The following LRBA variants were observed in gnomAD, a reference collection of about 807,000 sequenced individuals.
LRBA encodes LPS responsive beige-like anchor protein, also known as lipopolysaccharide-responsive and beige-like anchor protein.
LRBA carries 176 observed loss-of-function variants against 330.0 expected under a neutral mutation model. The ratio of observed to expected loss-of-function variants is 0.53; its 90% CI spans 0.47 to 0.60. The LOEUF (loss-of-function observed/expected upper bound fraction) is 0.60, where lower values mean the gene tolerates loss of function less well. Among genes scored for constraint, LRBA ranks in the 20% least tolerant of loss-of-function variants. The pLI is 0.00. For synonymous variants in LRBA, 1,230 were observed against 1,193.0 expected (o/e 1.03, Z -0.64); for missense variants, 3,259 against 3,444.8 (o/e 0.95, Z 1.35).
At chr4:150,953,456 A>G (rs535866818) in intron 2 of LRBA, among the ~76,000 whole-genome samples, 1 of 141,244 alleles carries the variant, frequency 7.1e-6, no homozygotes, top group African/African-American at 2.7e-5. Context: ...GCTCACTGCA[A>G]CCTCCCTGCC....
At position 150,618,370 on chromosome 4, in the gene LRBA, T is replaced by C. The variant is rs184956115; in HGVS notation, c.5922-19239A>G. On this transcript the variant is annotated intron_variant, in intron 37 of 56. Coordinates refer to ENST00000651943, the MANE Select transcript of LRBA (RefSeq NM_001364905.1). ...AGGATCTTGCATGGAAAAAAAGTCATCTTTTAGTAAATGAGGATTATGCAG... is the reference window on the plus strand; with the variant it reads ...AGGATCTTGCATGGAAAAAAAGTCACCTTTTAGTAAATGAGGATTATGCAG... Among the ~76,000 whole-genome samples, 364 of 152,236 alleles carry C rather than the reference T, an allele frequency of 2.4e-3. 2 individuals carry two copies. The highest frequency in any genetic ancestry group is 8.2e-3 in the African/African-American group (342 of 41,552).
intron 28 of LRBA, among the ~76,000 whole-genome samples, chr4:150,834,287 A>T (rs138143344): frequency 6.6e-6 from 1 of 152,220 alleles, no homozygotes; most frequent in Non-Finnish European, 1.5e-5. Context: ...TACTTTGCCC[A>T]GATCCATCAA....
At chr4:150,385,542 G>C (rs1742935181) in intron 47 of LRBA, among the ~76,000 whole-genome samples, 1 of 152,092 alleles carries the variant, frequency 6.6e-6, no homozygotes, top group African/African-American at 2.4e-5. Flanking sequence ...AATAAAAGGA[G>C]AGTCAAGGAA....
chr4:150,457,135 T>C (rs1754179168), intron 44 of LRBA, among the ~76,000 whole-genome samples: 1 of 152,154 alleles, frequency 6.6e-6, no homozygotes, highest in Admixed American at 6.6e-5. Context: ...CACAATAATA[T>C]GATTTTGTTT....
At chr4:150,294,164 G>A (rs1408412132) in intron 53 of LRBA, among the ~76,000 whole-genome samples, 1 of 152,160 alleles carries the variant, frequency 6.6e-6, no homozygotes, top group Non-Finnish European at 1.5e-5. Flanking sequence ...GTTTATATGA[G>A]TGTGTACCTG....
chr4:150,800,293 G>A (rs1348508651), intron 33 of LRBA, among the ~76,000 whole-genome samples: 1 of 152,154 alleles, frequency 6.6e-6, no homozygotes, highest in Non-Finnish European at 1.5e-5. Flanking sequence ...GCAGGGGCAG[G>A]GTGGAAAGTA....
chr4:150,947,582 T>A (rs773835847), intron 2 of LRBA, among the ~76,000 whole-genome samples: 1 of 152,094 alleles, frequency 6.6e-6, no homozygotes, highest in Non-Finnish European at 1.5e-5. Flanking sequence ...TTATACTCAA[T>A]GATAAAAGAC....
intron 30 of LRBA, among the ~76,000 whole-genome samples, chr4:150,821,157 T>C (rs1438784206): frequency 6.6e-6 from 1 of 152,100 alleles, no homozygotes; most frequent in Non-Finnish European, 1.5e-5. Flanking sequence ...TCTACATCAA[T>C]TTTAGCAGAA....
intron 40 of LRBA, among the ~76,000 whole-genome samples, chr4:150,498,631 G>T (rs933142032): frequency 6.6e-6 from 1 of 152,026 alleles, no homozygotes; most frequent in Non-Finnish European, 1.5e-5. Context: ...TAAATTTGTA[G>T]AGAAGGAACA....
intron 22 of LRBA, among the ~76,000 whole-genome samples, chr4:150,857,252 T>C (rs1182312787): frequency 6.6e-6 from 1 of 152,120 alleles, no homozygotes; most frequent in African/African-American, 2.4e-5. Flanking sequence ...ACCACATTAA[T>C]GAGATCTTTT....
At chr4:150,727,816 T>A (rs934269928) in intron 36 of LRBA, among the ~76,000 whole-genome samples, 1 of 151,732 alleles carries the variant, frequency 6.6e-6, no homozygotes, top group African/African-American at 2.4e-5. Flanking sequence ...ACTAGAAAAG[T>A]AACAGTAAAC....
At chr4:150,980,349 T>C (rs1244851873) in intron 2 of LRBA, among the ~76,000 whole-genome samples, 1 of 152,164 alleles carries the variant, frequency 6.6e-6, no homozygotes, top group Non-Finnish European at 1.5e-5. Flanking sequence ...AAGCCATATA[T>C]GACAACCACA....
intron 15 of LRBA, among the ~76,000 whole-genome samples, chr4:150,897,367 T>C (rs1730204304): frequency 6.6e-6 from 1 of 152,068 alleles, no homozygotes; most frequent in African/African-American, 2.4e-5. Flanking sequence ...GGTACATTTA[T>C]ACAGAAATAC....
chr4:150,635,311 A>G (rs534428686), intron 37 of LRBA, among the ~76,000 whole-genome samples: 1 of 152,232 alleles, frequency 6.6e-6, no homozygotes, highest in Non-Finnish European at 1.5e-5. Context: ...GATTTTTCTC[A>G]TAAGACTGCG....
At chr4:150,512,450 T>C (rs1561286483) in intron 40 of LRBA, among the ~76,000 whole-genome samples, 1 of 152,124 alleles carries the variant, frequency 6.6e-6, no homozygotes, top group Non-Finnish European at 1.5e-5. Context: ...ATTTGGACTT[T>C]GGGAGGTGAA....
At chr4:150,808,059 AT>A (rs749266445) in intron 32 of LRBA, among the ~76,000 whole-genome samples, 2 of 152,144 alleles carry the variant, frequency 1.3e-5, no homozygotes, top group Admixed American at 6.5e-5. Context: ...TGCAGCAATT[AT>A]TTTTTTACCA....
At chr4:150,320,040 G>A (rs879614423) in intron 50 of LRBA, among the ~76,000 whole-genome samples, 1 of 152,130 alleles carries the variant, frequency 6.6e-6, no homozygotes, top group African/African-American at 2.4e-5. Flanking sequence ...ATCTCCAGAA[G>A]TTTAAAAGAT....
chr4:150,767,097 AC>A (rs1735860756), intron 34 of LRBA, among the ~76,000 whole-genome samples: 1 of 152,190 alleles, frequency 6.6e-6, no homozygotes, highest in Non-Finnish European at 1.5e-5. Context: ...AGTTAGGGCA[AC>A]AAAAGACTTC....
At chr4:150,607,045 G>A (rs146189237) in intron 37 of LRBA, among the ~76,000 whole-genome samples, 1 of 152,292 alleles carries the variant, frequency 6.6e-6, no homozygotes, top group East Asian at 1.9e-4. Flanking sequence ...ATGGATAAAG[G>A]CATGGAAATG....
Sources: allele counts gnomAD v4.1 joint callset (sites outside exome capture counted in the v4.1 genomes callset), GRCh38; gene constraint gnomAD v4.1.1; transcripts MANE v1.5; gene names NCBI Gene and HGNC (gene_info 2026-07-23, HGNC 2026-07-21).